PIGL: variants seen among roughly 807,000 people sequenced by gnomAD.
PIGL encodes N-acetylglucosaminyl-phosphatidylinositol de-N-acetylase.
In PIGL, 22 loss-of-function variants were observed where a neutral mutation model predicts 31.1. The observed-to-expected ratio is 0.71, with a 90% CI of 0.51 to 1.01. The LOEUF is 1.01. PIGL is among the 50% of genes least tolerant of loss of function. The pLI is 0.00. For missense variants in PIGL, 302 were observed against 315.9 expected, an observed-to-expected ratio of 0.96 and a Z score of 0.33; for synonymous variants, 131 against 117.4, an observed-to-expected ratio of 1.12 and a Z score of -0.75.
At chr17:16,280,085 A>G (rs1490979497) in intron 2 of PIGL, among the ~76,000 whole-genome samples, 2 of 152,362 alleles carry the variant, frequency 1.3e-5, no homozygotes, top group Middle Eastern at 3.4e-3. Context: ...AAACATATGC[A>G]TCACTGAGGA....
intron 3 of PIGL, among the ~76,000 whole-genome samples, chr17:16,308,108 G>A (rs1010232650): frequency 2.0e-5 from 3 of 152,184 alleles, no homozygotes; most frequent in African/African-American, 7.2e-5. Flanking sequence ...GCTGAGGCAG[G>A]TGCATCACGA....
At chr17:16,291,603 C>T (rs1390069170) in intron 2 of PIGL, among the ~76,000 whole-genome samples, 1 of 151,060 alleles carries the variant, frequency 6.6e-6, no homozygotes, top group Non-Finnish European at 1.5e-5. Context: ...CAGTGGCTCA[C>T]ACCTGTAATC....
rs886052644 is a variant in PIGL, at chr17:16,326,083, A to C, written c.*185A>C. On this transcript the variant is annotated 3_prime_UTR_variant, in exon 7 of 7. Coordinates refer to ENST00000225609, the MANE Select transcript of PIGL (RefSeq NM_004278.4). ...CTCCAGCTTCTTCCCCTGGGAAAAAACCCAAAGAACCAAAAACAAACCACC... is the reference window on the plus strand; with the variant it reads ...CTCCAGCTTCTTCCCCTGGGAAAAACCCCAAAGAACCAAAAACAAACCACC... The C allele has an allele frequency of 5.3e-6, 3 of 569,102 alleles. No individual in the cohort carries two copies. In the South Asian group the frequency reaches 7.0e-5, roughly 13 times the overall value. The allele number at this position is 569,102 out of a possible 1,614,324, so 35.3% of individuals were successfully genotyped here.
At chr17:16,319,379 C>T (rs1213340700) in intron 6 of PIGL, among the ~76,000 whole-genome samples, 2 of 152,202 alleles carry the variant, frequency 1.3e-5, no homozygotes, top group African/African-American at 4.8e-5. Flanking sequence ...TTTTGATTTG[C>T]CACTTTATCA....
intron 5 of PIGL, 133 bp from the exon 6 acceptor site, chr17:16,317,642 C>T (rs2093083667): frequency 2.0e-6 from 3 of 1,504,268 alleles, no homozygotes; most frequent in Non-Finnish European, 1.8e-6. Flanking sequence ...TTTAGTGCCA[C>T]AGAAACACGT....
chr17:16,312,760 AAAAT>A (rs2093059393), intron 3 of PIGL: 1 of 156,994 alleles, frequency 6.4e-6, no homozygotes, highest in African/African-American at 2.4e-5. Context: ...CTCCACCAAA[AAAAT>A]ACGAAAACCA....
At chr17:16,317,738 A>G (rs2093084120) in intron 5 of PIGL, 37 bp from the exon 6 acceptor site, 1 of 1,612,362 alleles carries the variant, frequency 6.2e-7, no homozygotes, top group Non-Finnish European at 8.5e-7. Flanking sequence ...TGGAGGCCTC[A>G]AGGCTTATCA....
At chr17:16,230,621 A>G (rs1462908780) in intron 1 of PIGL, among the ~76,000 whole-genome samples, 1 of 147,748 alleles carries the variant, frequency 6.8e-6, no homozygotes, top group East Asian at 2.0e-4. Flanking sequence ...AGTCATAATC[A>G]CTTTTTTTTT....
chr17:16,219,815 G>A (rs1276315053), intron 1 of PIGL, among the ~76,000 whole-genome samples: 4 of 149,328 alleles, frequency 2.7e-5, no homozygotes, highest in African/African-American at 7.4e-5. Flanking sequence ...CACCCACCTC[G>A]GCCTCCCAAA....
chr17:16,309,435 T>C (rs948174105), intron 3 of PIGL, among the ~76,000 whole-genome samples: 1 of 152,240 alleles, frequency 6.6e-6, no homozygotes, highest in Non-Finnish European at 1.5e-5. Context: ...ATTCCATTGA[T>C]GAGCACAAAA....
intron 1 of PIGL, among the ~76,000 whole-genome samples, chr17:16,225,383 CTTTT>C (rs948575134): frequency 4.1e-5 from 4 of 97,566 alleles, no homozygotes; most frequent in East Asian, 2.8e-4. Flanking sequence ...AAGCACGTTT[CTTTT>C]TTTTTTTTTT....
At chr17:16,251,296 G>T (rs1457976164) in intron 2 of PIGL, among the ~76,000 whole-genome samples, 1 of 151,556 alleles carries the variant, frequency 6.6e-6, no homozygotes, top group African/African-American at 2.4e-5. Context: ...GGTGGCGTGT[G>T]CCTGTGGTCC....
intron 1 of PIGL, among the ~76,000 whole-genome samples, chr17:16,232,093 C>T (rs979862046): frequency 3.3e-5 from 5 of 152,082 alleles, no homozygotes; most frequent in African/African-American, 1.2e-4. Context: ...GCCTGGCCAA[C>T]ATAATGAAAT....
rs199717307 is a variant in PIGL, at chr17:16,316,679, A to G, written c.495-2A>G. On this transcript the variant is annotated splice_acceptor_variant, in intron 4 of 6. Coordinates refer to ENST00000225609, the MANE Select transcript of PIGL (RefSeq NM_004278.4). LOFTEE classifies it high-confidence loss of function. ...CTCACTCTTGTCCTATCCCTCCTCC[A>G]GGGCCCTGCACTCAGAAGGGAAGTT... 1.2e-6 allele frequency: 2 copies of G among 1,600,572 alleles called. No homozygotes were observed. Among genetic ancestry groups the G allele is most frequent in the East Asian group, 2.2e-5 (1 of 44,510 alleles).
At chr17:16,276,994 G>A (rs1378987996) in intron 2 of PIGL, among the ~76,000 whole-genome samples, 3 of 152,166 alleles carry the variant, frequency 2.0e-5, no homozygotes, top group Admixed American at 6.5e-5. Flanking sequence ...TTAAAGCTGA[G>A]CCCAGCCATG....
chr17:16,258,965 G>A (rs973944957), intron 2 of PIGL, among the ~76,000 whole-genome samples: 2 of 152,172 alleles, frequency 1.3e-5, no homozygotes, highest in Non-Finnish European at 2.9e-5. Context: ...AGGTTATTGG[G>A]TCAGTCTTTC....
At chr17:16,308,273 G>A (rs1252243042) in intron 3 of PIGL, among the ~76,000 whole-genome samples, 1 of 151,928 alleles carries the variant, frequency 6.6e-6, no homozygotes, top group African/African-American at 2.4e-5. Flanking sequence ...AGGAGGTTGC[G>A]GTGAGCCGAG....
rs371054034 is a variant in PIGL at position 16,217,243 on chromosome 17, T to A, written c.17T>A (p.Leu6His). 1.2e-6 allele frequency: 2 copies of A among 1,613,990 alleles called. No homozygotes were observed. Among genetic ancestry groups the A allele is most frequent in the South Asian group, 1.1e-5 (1 of 91,082 alleles). Residue 6 changes from leucine to histidine, a missense_variant, in exon 1 of 7, where the codon CTC becomes CAC. Leu to His is a moderately conservative substitution (Grantham distance 99). Transcript: ENST00000225609. MEAMW[L>H]LCVALAVLAW... ...TTACCCATCATGGAAGCAATGTGGC[T>A]CCTGTGTGTGGCGTTGGCGGTCTTG...
chr17:16,282,377 A>T (rs1233996709), intron 2 of PIGL, among the ~76,000 whole-genome samples: 1 of 152,112 alleles, frequency 6.6e-6, no homozygotes, highest in Non-Finnish European at 1.5e-5. Flanking sequence ...AGATAGCACA[A>T]TGGAATGCTG....
Sources: gnomAD v4.1 joint callset for allele counts (sites outside exome capture counted in the v4.1 genomes callset) on GRCh38, gnomAD v4.1.1 for gene constraint, MANE v1.5 for transcripts, NCBI Gene and HGNC (gene_info 2026-07-23, HGNC 2026-07-21) for gene names.